INPP4A: variants seen among roughly 807,000 people sequenced by gnomAD.
INPP4A encodes the protein inositol polyphosphate-4-phosphatase type I A.
Under a neutral mutation model 119.8 loss-of-function variants are expected in INPP4A, and 33 were observed. The observed-to-expected ratio is 0.28, with a 90% CI of 0.21 to 0.37. INPP4A has a LOEUF of 0.37. INPP4A is among the 10% of genes least tolerant of loss of function. INPP4A has a pLI of 1.00. For synonymous variants in INPP4A, 496 were observed against 500.7 expected, an observed-to-expected ratio of 0.99 and a Z score of 0.12; for missense variants, 956 against 1,289.9, an observed-to-expected ratio of 0.74 and a Z score of 3.97.
intron 1 of INPP4A, among the ~76,000 whole-genome samples, chr2:98,517,135 C>G (rs1203465600): frequency 2.0e-5 from 3 of 152,178 alleles, no homozygotes; most frequent in Non-Finnish European, 4.4e-5. Context: ...TCTCCATACT[C>G]TGGATGCCAC....
rs756326077 is a variant in INPP4A, at chr2:98,563,455, T to C, written c.1856-10T>C. 6.2e-7 allele frequency: 1 copy of C among 1,610,466 alleles called. No individual in the cohort carries two copies. The highest frequency in any genetic ancestry group is 8.5e-7 in the Non-Finnish European group (1 of 1,177,952). On this transcript the variant is annotated splice_polypyrimidine_tract_variant and intron_variant, in intron 17 of 24. Transcript: ENST00000409851. The stretch of plus-strand genomic sequence containing the variant: ...CTCTCATTGTGATGACCCCTTCGCT[T>C]GTGCCCCAGGTGAATGGAGTGAGGC...
At chr2:98,459,046 A>T (rs1476304588) in intron 1 of INPP4A, among the ~76,000 whole-genome samples, 1 of 152,224 alleles carries the variant, frequency 6.6e-6, no homozygotes, top group African/African-American at 2.4e-5. Context: ...TGATTGGAGC[A>T]TTCATGGAGC....
intron 1 of INPP4A, among the ~76,000 whole-genome samples, chr2:98,488,062 A>G (rs1045302106): frequency 9.2e-5 from 14 of 152,160 alleles, no homozygotes; most frequent in African/African-American, 3.4e-4. Flanking sequence ...GTACTAGGGT[A>G]TTCATTGTGT....
At chr2:98,559,008 G>T (rs1223758035) in intron 16 of INPP4A, among the ~76,000 whole-genome samples, 3 of 152,178 alleles carry the variant, frequency 2.0e-5, no homozygotes, top group Non-Finnish European at 4.4e-5. Flanking sequence ...AGGCTTCCCC[G>T]GTGAATCAGA....
At chr2:98,469,538 C>T (rs978623530) in intron 1 of INPP4A, among the ~76,000 whole-genome samples, 1 of 149,550 alleles carries the variant, frequency 6.7e-6, no homozygotes, top group African/African-American at 2.5e-5. Flanking sequence ...TGCGGTGGCT[C>T]ATGCCTGTAA....
chr2:98,505,754 CA>C (rs1683922548), intron 1 of INPP4A, among the ~76,000 whole-genome samples: 1 of 152,186 alleles, frequency 6.6e-6, no homozygotes, highest in African/African-American at 2.4e-5. Context: ...CAGGAGGGTG[CA>C]TTTCCCCTTC....
Position 98,529,437 on chromosome 2 carries a change from T to TA in INPP4A, c.152-3934dup, listed in dbSNP as rs577330990. 1.7e-3 allele frequency among the ~76,000 whole-genome samples: 253 copies of TA among 152,218 alleles called. 4 individuals are homozygous for TA. Among genetic ancestry groups the TA allele is most frequent in the Non-Finnish European group, 3.1e-4 (21 of 68,016 alleles). ...ATGGTTGCACAACTCTGAATGTCTTTAAAAAACCACAGAATTGGGCTGGGC... is the reference window on the plus strand; with the variant it reads ...ATGGTTGCACAACTCTGAATGTCTTTAAAAAAACCACAGAATTGGGCTGGGC... On this transcript the variant is annotated intron_variant, in intron 4 of 24. Transcript: ENST00000409851.
chr2:98,477,873 T>C (rs1677580199), intron 1 of INPP4A, among the ~76,000 whole-genome samples: 1 of 152,150 alleles, frequency 6.6e-6, no homozygotes, highest in African/African-American at 2.4e-5. Flanking sequence ...CCACATGGCA[T>C]GGATTGGAAA....
intron 24 of INPP4A, among the ~76,000 whole-genome samples, chr2:98,581,317 CT>C (rs1202662935): frequency 6.6e-6 from 1 of 152,076 alleles, no homozygotes; most frequent in Non-Finnish European, 1.5e-5. Flanking sequence ...AGTATTTTTT[CT>C]TATTTTCACT....
Position 98,537,022 on chromosome 2 carries a change from T to C in INPP4A, c.467+814T>C, listed in dbSNP as rs3769711. 3.6e-3 allele frequency among the ~76,000 whole-genome samples: 554 copies of C among 152,320 alleles called. 12 individuals carry two copies. In the East Asian group the frequency reaches 0.041, roughly 11 times the overall value. On this transcript the variant is annotated intron_variant, in intron 7 of 24. Transcript: ENST00000409851. ...TTGAGAAAAATATTTAGTTACGTCA[T>C]GTGTCAGAGTTAACTCTAGTTGGGT...
At position 98,502,790 on chromosome 2, in the gene INPP4A, A is replaced by C. The variant is rs1371859192; in HGVS notation, c.-165-16174A>C. 2.0e-5 allele frequency among the ~76,000 whole-genome samples: 3 copies of C among 152,244 alleles called. No individual in the cohort carries two copies. The East Asian group carries it at 5.8e-4, about 29-fold the overall frequency. On this transcript the variant is annotated intron_variant, in intron 1 of 24. Transcript: ENST00000409851. ...GCATTGTTTATGGGTGAGGTCACCA[A>C]GGAGACCTAGCTCAAAGGCAAAAGA... is the stretch of plus-strand genomic sequence containing the variant.
At chr2:98,506,501 T>C (rs1039693368) in intron 1 of INPP4A, among the ~76,000 whole-genome samples, 3 of 152,236 alleles carry the variant, frequency 2.0e-5, no homozygotes, top group Non-Finnish European at 4.4e-5. Context: ...CTCACACTTA[T>C]ATTTCTTCCC....
Position 98,555,535 on chromosome 2 carries a change from G to T in INPP4A, c.1567-18G>T. The T allele has an allele frequency of 6.3e-7, 1 of 1,581,998 alleles. No homozygotes were observed. Among genetic ancestry groups the T allele is most frequent in the South Asian group, 1.2e-5 (1 of 86,036 alleles). On this transcript the variant is annotated intron_variant, in intron 15 of 24. Coordinates refer to ENST00000409851, the MANE Select transcript of INPP4A (RefSeq NM_001134225.2). ...TGTTCGGGAGAGCTGACCCACATGG[G>T]CCCCTTTGATTTGGAAGGAGAAAGT...
intron 1 of INPP4A, among the ~76,000 whole-genome samples, chr2:98,503,483 C>CAGA (rs1200022716): frequency 6.6e-6 from 1 of 152,210 alleles, no homozygotes; most frequent in African/African-American, 2.4e-5. Context: ...CAACTCGCAC[C>CAGA]TCATCTGGAT....
intron 1 of INPP4A, among the ~76,000 whole-genome samples, chr2:98,470,678 T>A (rs980124169): frequency 6.6e-6 from 1 of 152,006 alleles, no homozygotes; most frequent in Non-Finnish European, 1.5e-5. Flanking sequence ...TTTTTTTTTT[T>A]GTTTTTTGAG....
At chr2:98,462,156 T>G (rs1173157210) in intron 1 of INPP4A, among the ~76,000 whole-genome samples, 1 of 152,224 alleles carries the variant, frequency 6.6e-6, no homozygotes, top group African/African-American at 2.4e-5. Flanking sequence ...TCTAAAATAT[T>G]ACCTTCTAGT....
chr2:98,551,694 C>G (rs1387875658), intron 13 of INPP4A, among the ~76,000 whole-genome samples: 1 of 152,112 alleles, frequency 6.6e-6, no homozygotes, highest in Non-Finnish European at 1.5e-5. Context: ...CTCTCTCTTC[C>G]CCAGAATTCA....
intron 1 of INPP4A, among the ~76,000 whole-genome samples, chr2:98,508,975 A>T (rs1202926710): frequency 2.0e-5 from 3 of 152,196 alleles, no homozygotes; most frequent in Non-Finnish European, 4.4e-5. Context: ...AAAGCCCCAG[A>T]ATCCCTGGCT....
Position 98,554,246 on chromosome 2 carries a change from A to C in INPP4A, c.1348-25A>C, listed in dbSNP as rs774566682. On this transcript the variant is annotated intron_variant, in intron 14 of 24. Coordinates refer to ENST00000409851, the MANE Select transcript of INPP4A (RefSeq NM_001134225.2). The surrounding 1 kb of genome is among the most constrained non-coding windows in gnomAD (Gnocchi z 4.7). ...CCCCAGCCCCTGGCCTGGGCTCAGC[A>C]GCCTTGGTTTGTGTGCACCTGCAGA... 1.3e-6 allele frequency: 2 copies of C among 1,567,786 alleles called. No individual in the cohort carries two copies. The highest frequency in any genetic ancestry group is 1.7e-6 in the Non-Finnish European group (2 of 1,154,692).
Sources: gnomAD v4.1 joint callset for allele counts (sites outside exome capture counted in the v4.1 genomes callset) on GRCh38, gnomAD v4.1.1 for gene constraint, Gnocchi (gnomAD v3.1) non-coding constraint, MANE v1.5 for transcripts, NCBI Gene and HGNC (gene_info 2026-07-23, HGNC 2026-07-21) for gene names.